Variants in U2AF1L4 observed in about 807,000 individuals in gnomAD.
U2AF1L4 encodes splicing factor U2AF 26 kDa subunit.
In U2AF1L4, 21 loss-of-function variants were observed where a neutral mutation model predicts 21.7. The ratio of observed to expected loss-of-function variants is 0.97; its 90% CI spans 0.69 to 1.39. U2AF1L4 has a LOEUF of 1.39. Ranked by LOEUF, U2AF1L4 falls within the 40% of genes most tolerant of loss-of-function variation. The pLI is 0.00. For synonymous variants in U2AF1L4, 92 were observed against 89.7 expected, an observed-to-expected ratio of 1.03 and a Z score of -0.15; for missense variants, 259 against 245.7, an observed-to-expected ratio of 1.05 and a Z score of -0.36.
At chr19:35,745,311 G>T in intron 1 of U2AF1L4, 37 bp downstream of exon 1, 1 of 899,376 alleles carries the variant, frequency 1.1e-6, no homozygotes. Flanking sequence ...CCCCGGCCCC[G>T]ACCCCCCGAG....
At chr19:35,744,507 T>C (rs749534662) in intron 2 of U2AF1L4, 86 bp from the exon 3 acceptor site, 14 of 1,610,318 alleles carry the variant, frequency 8.7e-6, no homozygotes, top group South Asian at 2.2e-5. Context: ...GAAGCTATCA[T>C]AGTGCTCCTG....
At chr19:35,743,686 CAAAAAAAAAAAA>C in intron 5 of U2AF1L4, 111 bp downstream of exon 5, 2 of 491,366 alleles carry the variant, frequency 4.1e-6, no homozygotes, top group South Asian at 2.0e-5. Flanking sequence ...GGCTCCATCT[CAAAAAAAAAAAA>C]AAAAAAAAAA....
chr19:35,742,841 G>A (rs1970331116), intron 5 of U2AF1L4, 38 bp from the exon 6 acceptor site: 1 of 1,577,116 alleles, frequency 6.3e-7, no homozygotes, highest in African/African-American at 1.3e-5. Context: ...TTAGAACCCT[G>A]AGGAGTGGTG....
In U2AF1L4 at chr19:35,742,729, C is replaced by T. The variant is rs1159407802; in HGVS notation, c.536G>A (p.Gly179Asp). The change falls in exon 6 of 6, where the codon GGC (glycine) becomes GAC (aspartate). Residue 179 changes from glycine to aspartate, a missense_variant. By Grantham distance (94) the Gly-to-Asp change is moderately conservative. Transcript: ENST00000378975. ...NHRCSPDHWH[G>D]RF ...AAGGGGGCCAGGGCCTCAGAAGCGG[C>T]CATGCCAGTGATCAGGGGAACACCG... 2 of 1,610,326 alleles carry T rather than the reference C, an allele frequency of 1.2e-6. No individual in the cohort carries two copies. The highest frequency in any genetic ancestry group is 2.7e-5 in the African/African-American group (2 of 74,544).
intron 5 of U2AF1L4, 70 bp downstream of exon 5, chr19:35,743,739 G>C (rs761463300): frequency 1.5e-6 from 2 of 1,305,234 alleles, no homozygotes; most frequent in African/African-American, 1.5e-5. Context: ...CTGGGGCTTA[G>C]GGTTAGGCTC....
At chr19:35,743,960 G>C in intron 4 of U2AF1L4, 52 bp downstream of exon 4, 1 of 1,608,482 alleles carries the variant, frequency 6.2e-7, no homozygotes, top group Non-Finnish European at 8.5e-7. Flanking sequence ...CCCCTACCAC[G>C]CATTCAAAGT....
rs991649902 is a variant in U2AF1L4 at position 35,742,611 on chromosome 19, C to T, written c.*108G>A. 6.2e-7 allele frequency: 1 copy of T among 1,613,874 alleles called. No individual in the cohort carries two copies. Among genetic ancestry groups the T allele is most frequent in the East Asian group, 2.2e-5 (1 of 44,876 alleles). On this transcript the variant is annotated 3_prime_UTR_variant, in exon 6 of 6. Coordinates refer to ENST00000378975, the MANE Select transcript of U2AF1L4 (RefSeq NM_001040425.3). ...ATGCTGAACAGATTACATTATGGAG[C>T]CCGGGAGCCTGGGAAGGATGGGGCA...
intron 1 of U2AF1L4, 29 bp downstream of exon 1, chr19:35,745,319 G>A (rs558102590): frequency 2.2e-6 from 2 of 900,464 alleles, no homozygotes; most frequent in South Asian, 2.6e-5. Flanking sequence ...CCGACCCCCC[G>A]AGAGTCCACT....
intron 5 of U2AF1L4, 71 bp from the exon 6 acceptor site, chr19:35,742,874 C>T: frequency 7.0e-7 from 1 of 1,418,860 alleles, no homozygotes. Flanking sequence ...AGGCCTGCCT[C>T]TCTGCTCTGG....
At chr19:35,742,916 G>A (rs997332029) in intron 5 of U2AF1L4, 113 bp from the exon 6 acceptor site, 10 of 1,006,962 alleles carry the variant, frequency 9.9e-6, no homozygotes, top group Non-Finnish European at 1.5e-5. Context: ...AATAACTAGA[G>A]TTCTAAGACA....
intron 5 of U2AF1L4, 92 bp from the exon 6 acceptor site, chr19:35,742,895 G>T: frequency 8.3e-7 from 1 of 1,210,342 alleles, no homozygotes. Context: ...GATGAGGCAG[G>T]AGGGTGCTGA....
At chr19:35,744,811 A>AT (rs1970490566) in intron 2 of U2AF1L4, 2 of 1,206,664 alleles carry the variant, frequency 1.7e-6, no homozygotes, top group East Asian at 5.1e-5. Flanking sequence ...TCATGAGTGC[A>AT]TCGGCGATCC....
At chr19:35,744,996 A>T in intron 2 of U2AF1L4, 129 bp downstream of exon 2, 1 of 937,296 alleles carries the variant, frequency 1.1e-6, no homozygotes, top group Non-Finnish European at 1.6e-6. Flanking sequence ...AGAAAGGTCC[A>T]ATGAGAAAAA....
intron 2 of U2AF1L4, 197 bp downstream of exon 2, chr19:35,744,928 A>G (rs1461942360): frequency 1.4e-6 from 1 of 706,610 alleles, no homozygotes; most frequent in Non-Finnish European, 2.3e-6. Flanking sequence ...GCCTGTACGC[A>G]TGGGGGCGCG....
chr19:35,743,104 G>C (rs1190890702), intron 5 of U2AF1L4: 1 of 442,936 alleles, frequency 2.3e-6, no homozygotes, highest in East Asian at 4.8e-5. Context: ...CGGGCGCAGT[G>C]GTTCACGCCT....
chr19:35,743,056 C>A lies in U2AF1L4; in HGVS notation c.462-253G>T, dbSNP rs1312347899. On this transcript the variant is annotated intron_variant, in intron 5 of 5. Transcript: ENST00000378975. Reference sequence around the variant, plus strand: ...TAGGTACTGGTCTCCAGATGGAGCTCAGAACTACTCTTAGGGTATAAGAGT... The same window carrying A: ...TAGGTACTGGTCTCCAGATGGAGCTAAGAACTACTCTTAGGGTATAAGAGT... 5.3e-6 allele frequency: 3 copies of A among 569,086 alleles called. No homozygotes were observed. In the East Asian group the frequency reaches 9.2e-5, roughly 17 times the overall value. The allele number at this position is 569,086 out of a possible 1,614,324, so 35.3% of individuals were successfully genotyped here.
At chr19:35,744,292 T>C (rs1970449252) in intron 3 of U2AF1L4, 31 bp downstream of exon 3, 1 of 1,613,182 alleles carries the variant, frequency 6.2e-7, no homozygotes, top group Non-Finnish European at 8.5e-7. Context: ...ACGCCTCCAC[T>C]TCTGGGCCCT....
At chr19:35,743,025 G>A in intron 5 of U2AF1L4, 1 of 603,756 alleles carries the variant, frequency 1.7e-6, no homozygotes, top group Non-Finnish European at 2.9e-6. Flanking sequence ...TTTGGGGATT[G>A]GGACTTAGGT....
chr19:35,744,522 T>C, intron 2 of U2AF1L4, 101 bp from the exon 3 acceptor site: 2 of 1,571,430 alleles, frequency 1.3e-6, no homozygotes, highest in Non-Finnish European at 1.7e-6. Flanking sequence ...CTCCTGCACC[T>C]CCACGTCACT....
Sources: gnomAD v4.1 joint callset for allele counts on GRCh38, gnomAD v4.1.1 for gene constraint, MANE v1.5 for transcripts, NCBI Gene and HGNC (gene_info 2026-07-23, HGNC 2026-07-21) for gene names.